The following ADH7 variants were observed in gnomAD, a reference collection of about 807,000 sequenced individuals.
The protein encoded by ADH7 is all-trans-retinol dehydrogenase [NAD(+)] ADH7.
ADH7 carries 41 observed loss-of-function variants against 34.4 expected under a neutral mutation model. The observed-to-expected ratio is 1.19, with a 90% CI of 0.93 to 1.55. The LOEUF (loss-of-function observed/expected upper bound fraction) is 1.55, where lower values mean the gene tolerates loss of function less well. ADH7 is among the 40% of genes most tolerant of loss of function. The pLI is 0.00. For missense variants in ADH7, 540 were observed against 461.2 expected (o/e 1.17, Z -1.56); for synonymous variants, 180 against 160.9 (o/e 1.12, Z -0.90).
At chr4:99,430,325 A>G (rs1721912972) in intron 1 of ADH7, 1 of 152,224 alleles carries the variant, frequency 6.6e-6, no homozygotes, top group African/African-American at 2.4e-5. Flanking sequence ...AGGTGTGGAG[A>G]TACCAGTGAC....
At chr4:99,429,498 C>A in intron 2 of ADH7, 34 bp downstream of exon 2, 1 of 1,518,302 alleles carries the variant, frequency 6.6e-7, no homozygotes, top group Non-Finnish European at 9.1e-7. Flanking sequence ...TTTGATAACG[C>A]TTTTGGCTTA....
chr4:99,425,619 T>C (rs1212495749), intron 5 of ADH7, among the ~76,000 whole-genome samples: 1 of 152,090 alleles, frequency 6.6e-6, no homozygotes, highest in East Asian at 1.9e-4. Context: ...TGGGAGACTT[T>C]AACACCCCAC....
At chr4:99,418,727 A>G (rs1464454899) in intron 7 of ADH7, among the ~76,000 whole-genome samples, 2 of 152,154 alleles carry the variant, frequency 1.3e-5, no homozygotes, top group African/African-American at 4.8e-5. Flanking sequence ...CCCTATAGAA[A>G]CACTACTGGT....
intron 3 of ADH7, 39 bp downstream of exon 3, chr4:99,428,453 C>T: frequency 6.3e-7 from 1 of 1,596,758 alleles, no homozygotes; most frequent in South Asian, 1.1e-5. Flanking sequence ...TAATCAAAGC[C>T]TAATTATTTC....
intron 3 of ADH7, 148 bp from the exon 4 acceptor site, chr4:99,428,322 T>C: frequency 4.0e-6 from 5 of 1,237,850 alleles, no homozygotes; most frequent in Non-Finnish European, 5.6e-6. Flanking sequence ...CTTCTAAAGG[T>C]TGAGGTTTTG....
In ADH7 at chr4:99,428,115, G is replaced by T; in HGVS notation, c.319C>A (p.Pro107Thr). 1 of 1,613,952 alleles carries T rather than the reference G, an allele frequency of 6.2e-7. No homozygotes were observed. The highest frequency in any genetic ancestry group is 1.1e-5 in the South Asian group (1 of 91,070). The change falls in exon 4 of 9, where the codon CCA becomes ACA. Residue 107 changes from proline to threonine, a missense_variant. Pro to Thr is a conservative substitution (Grantham distance 38, BLOSUM62 -1). Coordinates refer to ENST00000437033, the MANE Select transcript of ADH7 (RefSeq NM_000673.7). ...QCRECNACRN[P>T]DGNLCIRSDI... ...CTCCTAATGCAAAGGTTGCCATCTGGGTTGCGACAAGCATTGCATTCTCTA... is the reference window on the plus strand; with the variant it reads ...CTCCTAATGCAAAGGTTGCCATCTGTGTTGCGACAAGCATTGCATTCTCTA...
Position 99,429,551 on chromosome 4 carries a change from G to A in ADH7, c.101C>T (p.Thr34Ile), listed in dbSNP as rs1442227089. Residue 34 changes from threonine (T) to isoleucine (I), a missense_variant, in exon 2 of 9, where the codon ACT (threonine) becomes ATT (isoleucine). Thr to Ile is a moderately conservative substitution (Grantham distance 89). Transcript: ENST00000437033. ...IEEIEVAPPKTKEVRIKILAT... is the reference protein window; with the variant it reads ...IEEIEVAPPKIKEVRIKILAT... The stretch of plus-strand genomic sequence containing the variant: ...GCTTACCTTAATGCGAACTTCTTTA[G>A]TCTTTGGTGGGGCAACTTCTATTTC... 3.7e-6 allele frequency: 6 copies of A among 1,611,940 alleles called. No individual in the cohort carries two copies. The highest frequency in any genetic ancestry group is 5.1e-6 in the Non-Finnish European group (6 of 1,178,900).
intron 1 of ADH7, chr4:99,434,887 T>C (rs2110142800): frequency 1.5e-6 from 1 of 689,050 alleles, no homozygotes; most frequent in Non-Finnish European, 2.5e-6. Flanking sequence ...ACGATTGAAG[T>C]GTCCTTGTGG....
At chr4:99,416,756 C>G (rs116153029) in intron 7 of ADH7, among the ~76,000 whole-genome samples, 2 of 152,262 alleles carry the variant, frequency 1.3e-5, no homozygotes, top group Non-Finnish European at 2.9e-5. Context: ...GTACTACAGA[C>G]TCATAGCCAA....
At chr4:99,418,292 C>A (rs989760732) in intron 7 of ADH7, among the ~76,000 whole-genome samples, 11 of 152,222 alleles carry the variant, frequency 7.2e-5, no homozygotes, top group Middle Eastern at 3.4e-3. Flanking sequence ...TCATTTTCTC[C>A]TTTTTATACT....
At chr4:99,416,233 G>A (rs1297622696) in intron 7 of ADH7, among the ~76,000 whole-genome samples, 1 of 152,060 alleles carries the variant, frequency 6.6e-6, no homozygotes, top group Admixed American at 6.6e-5. Context: ...TGCTTCTATT[G>A]CAGAGAAACT....
At position 99,412,575 on chromosome 4, in the gene ADH7, A is replaced by C. The variant is rs953300183; in HGVS notation, c.*573T>G. The C allele has an allele frequency of 2.6e-5, 4 of 152,166 alleles. No homozygotes were observed. Among genetic ancestry groups the C allele is most frequent in the Admixed American group, 2.0e-4 (3 of 15,274 alleles). The allele number at this position is 152,166 out of a possible 1,614,324, so 9.4% of individuals were successfully genotyped here. Reference sequence around the variant, plus strand: ...CTTTTTCAGTTTCACCAAGTTATGTAATGATGATTCTTAATCGTTGAAAAA... The same window carrying C: ...CTTTTTCAGTTTCACCAAGTTATGTCATGATGATTCTTAATCGTTGAAAAA... On this transcript the variant is annotated 3_prime_UTR_variant, in exon 9 of 9. Coordinates refer to ENST00000437033, the MANE Select transcript of ADH7 (RefSeq NM_000673.7).
rs1045573687 is a variant in ADH7 at position 99,427,692 on chromosome 4, T to TC, written c.564+80dup. ...CATTCTTTTAAATGTTTTTTTTTTTTCCAAAACTCTTCAAGATTCCAAGCA... is the reference window on the plus strand; with the variant it reads ...CATTCTTTTAAATGTTTTTTTTTTTTCCCAAAACTCTTCAAGATTCCAAGCA... On this transcript the variant is annotated intron_variant, in intron 5 of 8. Transcript: ENST00000437033. The TC allele has an allele frequency of 1.1e-5, 12 of 1,104,924 alleles. 1 individual carries two copies. The African/African-American group carries it at 1.1e-4, about 10-fold the overall frequency. 68.4% of individuals were successfully genotyped at this position (1,104,924 alleles called of 1,614,324 possible).
intron 5 of ADH7, 91 bp from the exon 6 acceptor site, chr4:99,420,884 G>A (rs1172397446): frequency 1.7e-6 from 2 of 1,186,654 alleles, no homozygotes; most frequent in Admixed American, 2.3e-5. Context: ...CAAATCATGA[G>A]TGAACTCCCA....
intron 1 of ADH7, among the ~76,000 whole-genome samples, chr4:99,432,967 C>T (rs1350798249): frequency 6.6e-6 from 1 of 152,120 alleles, no homozygotes; most frequent in Non-Finnish European, 1.5e-5. Flanking sequence ...GCACAAGCCA[C>T]CATGCTCTGA....
In ADH7 at chr4:99,412,528, C is replaced by T. The variant is rs1721430250; in HGVS notation, c.*620G>A. The T allele has an allele frequency of 6.6e-6, 1 of 151,852 alleles. No individual in the cohort carries two copies. Among genetic ancestry groups the T allele is most frequent in the African/African-American group, 2.4e-5 (1 of 41,352 alleles). 9.4% of individuals were successfully genotyped at this position (151,852 alleles called of 1,614,324 possible). ...AATATTAATATATGCTGGCAAATAG[C>T]CTTGTGTACCCATATGATATACTTT... On this transcript the variant is annotated 3_prime_UTR_variant, in exon 9 of 9. Coordinates refer to ENST00000437033, the MANE Select transcript of ADH7 (RefSeq NM_000673.7).
In ADH7 at chr4:99,427,850, C is replaced by A; in HGVS notation, c.487G>T (p.Ala163Ser). 1 of 1,612,864 alleles carries A rather than the reference C, an allele frequency of 6.2e-7. No homozygotes were observed. The highest frequency in any genetic ancestry group is 1.7e-5 in the Admixed American group (1 of 59,862). ...AAACAGACTTTCTCAGGAGGAGCTG[C>A]ATCATCAATCTTAGCAACAGAAGAT... is the stretch of plus-strand genomic sequence containing the variant. ...DESSVAKIDDAAPPEKVCLIG... is the reference protein window; with the variant it reads ...DESSVAKIDDSAPPEKVCLIG... The change falls in exon 5 of 9, where the codon GCA becomes TCA. Residue 163 changes from alanine (A) to serine (S), a missense_variant. Coordinates refer to ENST00000437033, the MANE Select transcript of ADH7 (RefSeq NM_000673.7).
intron 5 of ADH7, among the ~76,000 whole-genome samples, chr4:99,421,834 T>G (rs1030729056): frequency 4.6e-5 from 7 of 152,136 alleles, no homozygotes; most frequent in African/African-American, 1.7e-4. Flanking sequence ...CATCCAAAAG[T>G]GGTCACAGGA....
intron 8 of ADH7, among the ~76,000 whole-genome samples, chr4:99,414,504 A>G (rs1721474770): frequency 6.6e-6 from 1 of 152,140 alleles, no homozygotes; most frequent in Non-Finnish European, 1.5e-5. Context: ...GATGTTGTAG[A>G]TAAAATTTGC....
Sources: allele counts gnomAD v4.1 joint callset (sites outside exome capture counted in the v4.1 genomes callset), GRCh38; gene constraint gnomAD v4.1.1; transcripts MANE v1.5; gene names NCBI Gene and HGNC (gene_info 2026-07-23, HGNC 2026-07-21).